The following CAST variants were observed in gnomAD, a reference collection of about 807,000 sequenced individuals.
CAST encodes MIR583 host.
A neutral mutation model predicts 119.6 loss-of-function variants in CAST; 76 were observed. The observed-to-expected ratio is 0.64, with a 90% confidence interval of 0.53 to 0.77. The LOEUF (loss-of-function observed/expected upper bound fraction) is 0.77. Ranked by LOEUF, CAST falls within the 30% of genes least tolerant of loss-of-function variation. CAST has a pLI of 0.00. For synonymous variants in CAST, 319 were observed against 331.6 expected, an observed-to-expected ratio of 0.96 and a Z score of 0.41; for missense variants, 953 against 946.5, an observed-to-expected ratio of 1.01 and a Z score of -0.09.
the CAST span, among the ~76,000 whole-genome samples, chr5:96,090,085 A>G: frequency 2.0e-5 from 3 of 152,140 alleles, no homozygotes; most frequent in Non-Finnish European, 4.4e-5. Context: ...GTTATTGTGA[A>G]GGTTAAGTAA....
the CAST span, among the ~76,000 whole-genome samples, chr5:96,363,492 G>A: frequency 1.3e-5 from 2 of 152,144 alleles, no homozygotes; most frequent in African/African-American, 4.8e-5. Flanking sequence ...CCATTTGTTT[G>A]TGTCCTCTTT....
chr5:96,713,547 C>T (rs1234823992), intron 3 of CAST, among the ~76,000 whole-genome samples: 2 of 152,214 alleles, frequency 1.3e-5, no homozygotes, highest in Non-Finnish European at 2.9e-5. Context: ...GATTCCTCTT[C>T]ATTTGACTGG....
the CAST span, among the ~76,000 whole-genome samples, chr5:96,486,247 G>T: frequency 6.6e-6 from 1 of 152,238 alleles, no homozygotes; most frequent in African/African-American, 2.4e-5. Flanking sequence ...TACTAGTATG[G>T]CAACGTACAG....
intron 1 of CAST, among the ~76,000 whole-genome samples, chr5:96,598,625 G>A (rs747469782): frequency 1.6e-4 from 25 of 152,080 alleles, no homozygotes; most frequent in Non-Finnish European, 5.9e-5. Flanking sequence ...AATAATCACT[G>A]AGATAGTTAA....
At chr5:96,756,332 G>T (rs1018472347) in intron 22 of CAST, among the ~76,000 whole-genome samples, 4 of 152,166 alleles carry the variant, frequency 2.6e-5, no homozygotes, top group Non-Finnish European at 5.9e-5. Flanking sequence ...GCTAAGAGAT[G>T]GTGGAGAACA....
At chr5:96,093,241 C>T in the CAST span, among the ~76,000 whole-genome samples, 1 of 152,112 alleles carries the variant, frequency 6.6e-6, no homozygotes, top group African/African-American at 2.4e-5. Context: ...GGAGACAAGT[C>T]TAGGGCATAT....
At chr5:96,622,190 T>C (rs1747622973) in intron 1 of CAST, among the ~76,000 whole-genome samples, 1 of 151,822 alleles carries the variant, frequency 6.6e-6, no homozygotes, top group Non-Finnish European at 1.5e-5. Context: ...GGACGGTCTC[T>C]ATCTCCTGAC....
In CAST at chr5:96,741,491, C is replaced by T. The variant is rs749417983; in HGVS notation, c.1012-3C>T. Reference sequence around the variant, plus strand: ...GTCTAATCTTTTGTATTTTGTTTTTCAGGAATCTACAGAAGTTTTAAAAGC... The same window carrying T: ...GTCTAATCTTTTGTATTTTGTTTTTTAGGAATCTACAGAAGTTTTAAAAGC... On this transcript the variant is annotated splice_polypyrimidine_tract_variant and splice_region_variant and intron_variant, in intron 14 of 31. Coordinates refer to ENST00000675179, the MANE Select transcript of CAST (RefSeq NM_001750.7). 6.2e-7 allele frequency: 1 copy of T among 1,607,750 alleles called. No homozygotes were observed. Among genetic ancestry groups the T allele is most frequent in the Non-Finnish European group, 8.5e-7 (1 of 1,174,578 alleles).
rs141221172 is a variant in CAST at position 96,746,425 on chromosome 5, G to T, written c.1284G>T (p.Thr428=). 8.2e-6 allele frequency: 13 copies of T among 1,587,690 alleles called. No homozygotes were observed. Among genetic ancestry groups the T allele is most frequent in the Non-Finnish European group, 1.0e-5 (12 of 1,156,094 alleles). ...CTGAGTACAGATTAAAACCAGCCAC[G>T]GTAAATTTTTAGCCACAGTGCATGA... The part of the protein sequence containing the change: ...IPSEYRLKPA[T]DKDGKPLLPE... The change falls in exon 17 of 32, where the codon ACG becomes ACT. Residue 428 remains threonine (T), a splice_region_variant and synonymous_variant. Coordinates refer to ENST00000675179, the MANE Select transcript of CAST (RefSeq NM_001750.7).
chr5:96,111,776 G>T, the CAST span, among the ~76,000 whole-genome samples: 1 of 152,106 alleles, frequency 6.6e-6, no homozygotes, highest in East Asian at 1.9e-4. Context: ...TTATATGTTG[G>T]AGGGCACCAA....
At chr5:96,364,603 G>C in the CAST span, among the ~76,000 whole-genome samples, 1 of 152,134 alleles carries the variant, frequency 6.6e-6, no homozygotes, top group South Asian at 2.1e-4. Context: ...TTTCTAGTTT[G>C]TTTGCGTAGA....
the CAST span, among the ~76,000 whole-genome samples, chr5:96,068,450 A>G: frequency 2.6e-5 from 4 of 151,862 alleles, no homozygotes; most frequent in African/African-American, 9.7e-5. Context: ...CACATTTTTC[A>G]ACTTCTCCTG....
At chr5:95,993,424 A>G in the CAST span, among the ~76,000 whole-genome samples, 1 of 152,162 alleles carries the variant, frequency 6.6e-6, no homozygotes. Context: ...GACATTTGGC[A>G]ATGTCTGGAG....
the CAST span, chr5:96,432,751 G>A: frequency 2.4e-6 from 2 of 823,824 alleles, no homozygotes; most frequent in East Asian, 5.2e-5. Flanking sequence ...CTTGCTCTTT[G>A]CTACTCTGGG....
chr5:96,357,363 A>G, the CAST span, among the ~76,000 whole-genome samples: 1 of 152,156 alleles, frequency 6.6e-6, no homozygotes, highest in Non-Finnish European at 1.5e-5. Flanking sequence ...AACTTCCAAT[A>G]CTATGTTTAA....
chr5:96,681,250 T>C (rs1436549746), intron 2 of CAST, among the ~76,000 whole-genome samples: 1 of 152,230 alleles, frequency 6.6e-6, no homozygotes, highest in Admixed American at 6.5e-5. Context: ...AGTCCATCAA[T>C]ACAAAATTGT....
At chr5:96,052,613 C>CA in the CAST span, among the ~76,000 whole-genome samples, 3 of 151,990 alleles carry the variant, frequency 2.0e-5, no homozygotes, top group Admixed American at 1.3e-4. Context: ...CGCCAACTGG[C>CA]AAAAAATGGT....
At chr5:96,055,094 A>C in the CAST span, among the ~76,000 whole-genome samples, 2,450 of 152,198 alleles carry the variant, frequency 0.016, 74 homozygotes, top group African/African-American at 0.055. Flanking sequence ...CTTTCTCCTT[A>C]GCCTCTAAAC....
chr5:96,122,590 G>A, the CAST span, among the ~76,000 whole-genome samples: 2 of 152,156 alleles, frequency 1.3e-5, no homozygotes, highest in East Asian at 3.8e-4. Context: ...AACCAGTTCG[G>A]GCTGGAGGTG....
Sources: gnomAD v4.1 joint callset for allele counts (sites outside exome capture counted in the v4.1 genomes callset) on GRCh38, gnomAD v4.1.1 for gene constraint, MANE v1.5 for transcripts, NCBI Gene and HGNC (gene_info 2026-07-23, HGNC 2026-07-21) for gene names.